Variants in IQSEC1 observed in about 807,000 individuals in gnomAD.
IQSEC1 encodes the protein IQ motif and Sec7 domain ArfGEF 1.
Under a neutral mutation model 91.0 loss-of-function variants are expected in IQSEC1, and 31 were observed. That is an observed-to-expected ratio of 0.34 (90% CI 0.26 to 0.46). The LOEUF is 0.46. Ranked by LOEUF, IQSEC1 falls within the 20% of genes least tolerant of loss-of-function variation. IQSEC1 has a pLI of 1.00. For missense variants in IQSEC1, 1,388 were observed against 1,575.6 expected (o/e 0.88, Z 2.02); for synonymous variants, 699 against 662.6 (o/e 1.05, Z -0.84).
intron 1 of IQSEC1, among the ~76,000 whole-genome samples, chr3:13,181,507 T>G (rs931118153): frequency 3.3e-5 from 5 of 152,218 alleles, no homozygotes; most frequent in African/African-American, 1.2e-4. Context: ...CACCCACTGA[T>G]GCATGCATCC....
intron 2 of IQSEC1, among the ~76,000 whole-genome samples, chr3:13,131,037 A>AAAGGG (rs1553567741): frequency 2.1e-4 from 30 of 143,792 alleles, no homozygotes; most frequent in African/African-American, 7.8e-4. Context: ...GGAAGGAAGG[A>AAAGGG]AAGGAAGGAA....
intron 1 of IQSEC1, among the ~76,000 whole-genome samples, chr3:12,982,339 A>G (rs1383169248): frequency 6.6e-6 from 1 of 152,212 alleles, no homozygotes; most frequent in African/African-American, 2.4e-5. Context: ...CATTTACCAT[A>G]TTAAAAAATT....
At chr3:12,903,758 T>G (rs1310450168) in intron 12 of IQSEC1, among the ~76,000 whole-genome samples, 1 of 151,988 alleles carries the variant, frequency 6.6e-6, no homozygotes, top group East Asian at 1.9e-4. Context: ...GGAGTGGGGA[T>G]GGGAAGAGGG....
chr3:13,095,134 T>C (rs1705932521), intron 2 of IQSEC1, among the ~76,000 whole-genome samples: 1 of 151,906 alleles, frequency 6.6e-6, no homozygotes, highest in Admixed American at 6.6e-5. Context: ...TCTACCTCCA[T>C]CTCTGCCTGT....
chr3:13,235,876 T>C (rs1326281060), intron 1 of IQSEC1, among the ~76,000 whole-genome samples: 1 of 152,120 alleles, frequency 6.6e-6, no homozygotes, highest in Non-Finnish European at 1.5e-5. Flanking sequence ...TGCCGCCCCG[T>C]TCCCTGTAGC....
intron 1 of IQSEC1, among the ~76,000 whole-genome samples, chr3:13,227,621 C>T (rs1335623109): frequency 1.3e-5 from 2 of 151,932 alleles, no homozygotes; most frequent in South Asian, 2.1e-4. Context: ...GGGACCAGGG[C>T]TGATGGGCAG....
At chr3:13,274,315 G>C (rs181212517) in intron 1 of IQSEC1, among the ~76,000 whole-genome samples, 97 of 152,288 alleles carry the variant, frequency 6.4e-4, no homozygotes, top group African/African-American at 2.3e-3. Context: ...CCTTGTCCTC[G>C]CAGGGCCAGC....
intron 1 of IQSEC1, among the ~76,000 whole-genome samples, chr3:13,221,444 TCAGGGGGCACAGGAAGGGCCTTC>T (rs1439182157): frequency 6.6e-6 from 1 of 152,154 alleles, no homozygotes; most frequent in African/African-American, 2.4e-5. Flanking sequence ...TCAAGCATCC[TCAGGGGGCACAGGAAGGGCCTTC>T]CAGGCAAGGC....
At chr3:13,019,711 A>G (rs1192307549) in intron 1 of IQSEC1, among the ~76,000 whole-genome samples, 1 of 152,182 alleles carries the variant, frequency 6.6e-6, no homozygotes, top group African/African-American at 2.4e-5. Flanking sequence ...ATGGGTGCTA[A>G]GAGTGGGTTT....
intron 2 of IQSEC1, among the ~76,000 whole-genome samples, chr3:13,085,604 A>G (rs570114417): frequency 6.6e-6 from 1 of 152,324 alleles, no homozygotes; most frequent in East Asian, 1.9e-4. Flanking sequence ...GTGAGCACCC[A>G]CGGTTGACAA....
rs72624444 is a variant in IQSEC1, at chr3:12,967,314, G to C, written c.24-25449C>G. 281,320 of 1,336,552 alleles carry C rather than the reference G, an allele frequency of 0.21. 37,482 individuals carry two copies. Among genetic ancestry groups the C allele is most frequent in the East Asian group, 0.74 (27,733 of 37,612 alleles). 82.8% of individuals were successfully genotyped at this position (1,336,552 alleles called of 1,614,324 possible). A position where few individuals can be genotyped will look rare whatever the true frequency, so the allele number is the denominator to read the frequency against. Reference sequence around the variant, plus strand: ...CGACGGTCACCCGCACTCCCGCACAGGCATCCCCACAGCCTGCGCCAGCCC... The same window carrying C: ...CGACGGTCACCCGCACTCCCGCACACGCATCCCCACAGCCTGCGCCAGCCC... On this transcript the variant is annotated intron_variant, in intron 1 of 13. Coordinates refer to ENST00000613206, the MANE Select transcript of IQSEC1 (RefSeq NM_001134382.3). The surrounding 1 kb of genome is among the most constrained non-coding windows in gnomAD (Gnocchi z 5.9).
chr3:13,044,377 G>C (rs1006462299), intron 1 of IQSEC1, among the ~76,000 whole-genome samples: 11 of 152,230 alleles, frequency 7.2e-5, no homozygotes, highest in African/African-American at 2.7e-4. Context: ...AATGTCAGTA[G>C]TGCCAAGGTT....
At chr3:12,904,027 G>A (rs1694685294) in intron 12 of IQSEC1, among the ~76,000 whole-genome samples, 2 of 152,218 alleles carry the variant, frequency 1.3e-5, no homozygotes, top group East Asian at 1.9e-4. Context: ...CCAGGAGCCT[G>A]GAAGAAGGAA....
Position 12,915,689 on chromosome 3 carries a change from T to A in IQSEC1, c.2065A>T (p.Ile689Phe). 1 of 1,614,116 alleles carries A rather than the reference T, an allele frequency of 6.2e-7. No individual in the cohort carries two copies. The highest frequency in any genetic ancestry group is 1.7e-4 in the Middle Eastern group (1 of 6,060). ...EDIPREMLMG[I>F]YERIRKRELK... is the part of the protein sequence containing the mutation. The stretch of plus-strand genomic sequence containing the variant: ...TCTCGCTTACGGATCCGTTCATAGA[T>A]CCCCATCAGCATCTCACGGGGAATG... The change falls in exon 7 of 14, where the codon ATC becomes TTC. Residue 689 changes from isoleucine to phenylalanine, a missense_variant. This residue lies in a region of IQSEC1 where 1,059 missense variants were observed against 1,317.8 expected (regional missense o/e 0.80). Coordinates refer to ENST00000613206, the MANE Select transcript of IQSEC1 (RefSeq NM_001134382.3).
At chr3:12,995,663 G>A (rs1702199315) in intron 1 of IQSEC1, among the ~76,000 whole-genome samples, 1 of 152,208 alleles carries the variant, frequency 6.6e-6, no homozygotes. Flanking sequence ...GAGCATCTAA[G>A]TTGTCCCTAG....
chr3:13,200,285 TC>T (rs57233573), intron 1 of IQSEC1, among the ~76,000 whole-genome samples: 15 of 148,778 alleles, frequency 1.0e-4, no homozygotes, highest in South Asian at 4.3e-4. Flanking sequence ...ACACACATAC[TC>T]CCCCCCCTTA....
chr3:12,961,539 C>A (rs888747675), intron 1 of IQSEC1, among the ~76,000 whole-genome samples: 1 of 152,236 alleles, frequency 6.6e-6, no homozygotes, highest in African/African-American at 2.4e-5. Context: ...TGTCATACCA[C>A]CAACAGCCTG....
chr3:13,059,833 G>A (rs1342771325), intron 1 of IQSEC1, among the ~76,000 whole-genome samples: 1 of 152,096 alleles, frequency 6.6e-6, no homozygotes, highest in African/African-American at 2.4e-5. Context: ...TGGGTCTCTG[G>A]TCACTCTGTT....
chr3:13,208,111 G>T (rs1489744846), intron 1 of IQSEC1, among the ~76,000 whole-genome samples: 1 of 151,006 alleles, frequency 6.6e-6, no homozygotes, highest in African/African-American at 2.4e-5. Flanking sequence ...GGCAAGACTT[G>T]GGTGGGTGGG....
Sources: allele counts gnomAD v4.1 joint callset (sites outside exome capture counted in the v4.1 genomes callset), GRCh38; gene constraint gnomAD v4.1.1; regional missense constraint gnomAD v4.1.1; non-coding constraint Gnocchi (gnomAD v3.1); transcripts MANE v1.5; gene names NCBI Gene and HGNC (gene_info 2026-07-23, HGNC 2026-07-21).